Variants in OTOF observed in about 807,000 individuals in gnomAD.
OTOF encodes the protein otoferlin, also known as fer-1-like family member 2.
A neutral mutation model predicts 236.8 loss-of-function variants in OTOF; 218 were observed. The observed-to-expected ratio is 0.92, with a 90% CI of 0.82 to 1.03. OTOF has a LOEUF of 1.03. Ranked by LOEUF, OTOF falls within the 50% of genes least tolerant of loss-of-function variation. The pLI is 0.00. For synonymous variants in OTOF, 1,041 were observed against 1,072.5 expected, an observed-to-expected ratio of 0.97 and a Z score of 0.57; for missense variants, 2,590 against 2,694.4, an observed-to-expected ratio of 0.96 and a Z score of 0.86.
At chr2:26,526,299 A>G (rs1411456247) in intron 3 of OTOF, among the ~76,000 whole-genome samples, 1 of 151,648 alleles carries the variant, frequency 6.6e-6, no homozygotes, top group African/African-American at 2.4e-5. Context: ...GATAGGATGA[A>G]TGAAAGGATG....
intron 3 of OTOF, among the ~76,000 whole-genome samples, chr2:26,522,714 C>T (rs535243533): frequency 7.2e-5 from 11 of 152,212 alleles, no homozygotes; most frequent in Non-Finnish European, 8.8e-5. Context: ...AGCACTGGCC[C>T]GGGTGTCAGG....
chr2:26,541,920 C>A (rs1213245401), intron 1 of OTOF, among the ~76,000 whole-genome samples: 1 of 152,170 alleles, frequency 6.6e-6, no homozygotes, highest in East Asian at 1.9e-4. Context: ...GGCAGCTGCT[C>A]CTGGGATAGC....
Position 26,494,958 on chromosome 2 carries a change from C to A in OTOF, c.881G>T (p.Cys294Phe). The A allele has an allele frequency of 6.2e-7, 1 of 1,614,170 alleles. No individual in the cohort carries two copies. Among genetic ancestry groups the A allele is most frequent in the East Asian group, 2.2e-5 (1 of 44,880 alleles). The change falls in exon 9 of 47, where the codon TGC (cysteine) becomes TTC (phenylalanine). Residue 294 changes from cysteine to phenylalanine, a missense_variant. This residue lies in a region of OTOF where 1,379 missense variants were observed against 1,341.6 expected (regional missense o/e 1.03). Coordinates refer to ENST00000272371, the MANE Select transcript of OTOF (RefSeq NM_194248.3). Reference protein sequence around the residue: ...KYTSMKESTNCPYYNEYFVFD... With the variant: ...KYTSMKESTNFPYYNEYFVFD... Reference sequence around the variant, plus strand: ...GCCACTGACCTCGTTGTAATAGGGGCAGTTAGTGGACTCCTTCATGGATGT... The same window carrying A: ...GCCACTGACCTCGTTGTAATAGGGGAAGTTAGTGGACTCCTTCATGGATGT...
chr2:26,509,155 GC>G (rs1666320947), intron 5 of OTOF, among the ~76,000 whole-genome samples: 2 of 152,174 alleles, frequency 1.3e-5, no homozygotes, highest in African/African-American at 2.4e-5. Flanking sequence ...GGGCCTTAGA[GC>G]ATCGCTGATC....
chr2:26,502,549 T>A, intron 6 of OTOF, 123 bp from the exon 7 acceptor site: 1 of 989,446 alleles, frequency 1.0e-6, no homozygotes, highest in South Asian at 1.4e-5. Flanking sequence ...TTGCTACCGC[T>A]TAGAATATTA....
rs749183807 is a variant in OTOF, at chr2:26,474,571, T to C, written c.3230A>G (p.Gln1077Arg). The change falls in exon 26 of 47, where the codon CAG becomes CGG. Residue 1077 changes from glutamine (Q) to arginine (R), a missense_variant. Physicochemically the swap from Gln to Arg is conservative, Grantham distance 43. Coordinates refer to ENST00000272371, the MANE Select transcript of OTOF (RefSeq NM_194248.3). ...PRFPPQLEYY[Q>R]IYRGNATAGD... ...AGCTGTGGCGTTGCCACGGTAGATC[T>C]GGTAGTACTCGAGCTGAGGTGGGAA... The C allele has an allele frequency of 2.5e-6, 4 of 1,613,084 alleles. No individual in the cohort carries two copies. In the Admixed American group the frequency reaches 5.0e-5, roughly 20 times the overall value.
At position 26,542,434 on chromosome 2, in the gene OTOF, C is replaced by T. The variant is rs534699698; in HGVS notation, c.80-4660G>A. Reference sequence around the variant, plus strand: ...ATATATCAGACATGGAAAATTCTGCCGATGATACAAGGCAGAATTTTGTCA... The same window carrying T: ...ATATATCAGACATGGAAAATTCTGCTGATGATACAAGGCAGAATTTTGTCA... On this transcript the variant is annotated intron_variant, in intron 1 of 46. Transcript: ENST00000272371. Among the ~76,000 whole-genome samples the T allele has an allele frequency of 6.6e-5, 10 of 152,122 alleles. No homozygotes were observed. In the East Asian group the frequency reaches 7.7e-4, roughly 12 times the overall value.
intron 3 of OTOF, among the ~76,000 whole-genome samples, chr2:26,525,160 T>C (rs908091197): frequency 6.6e-6 from 1 of 152,208 alleles, no homozygotes; most frequent in Non-Finnish European, 1.5e-5. Context: ...CTGAATGGTG[T>C]GATGCCATGA....
chr2:26,522,885 CAA>C (rs1321776226), intron 3 of OTOF, among the ~76,000 whole-genome samples: 2 of 152,222 alleles, frequency 1.3e-5, no homozygotes, highest in African/African-American at 4.8e-5. Context: ...GTCACCATGG[CAA>C]AGAGGACACC....
At chr2:26,459,006 C>A (rs1218245158) in intron 46 of OTOF, among the ~76,000 whole-genome samples, 1 of 152,196 alleles carries the variant, frequency 6.6e-6, no homozygotes. Flanking sequence ...CAGTACCTAC[C>A]TCCTGGGTTT....
At chr2:26,548,298 G>C (rs900498419) in intron 1 of OTOF, among the ~76,000 whole-genome samples, 2 of 151,842 alleles carry the variant, frequency 1.3e-5, no homozygotes, top group African/African-American at 4.8e-5. Context: ...GTTTAATTTG[G>C]TGGGGGGTGT....
At chr2:26,523,034 C>T (rs534354534) in intron 3 of OTOF, among the ~76,000 whole-genome samples, 77 of 152,350 alleles carry the variant, frequency 5.1e-4, no homozygotes, top group Admixed American at 1.2e-3. Flanking sequence ...GGCAACTGGG[C>T]ACCAGAATCC....
chr2:26,556,267 G>T (rs1667582772), intron 1 of OTOF, among the ~76,000 whole-genome samples: 1 of 152,230 alleles, frequency 6.6e-6, no homozygotes, highest in African/African-American at 2.4e-5. Context: ...GCCCCCAGTG[G>T]TTGCATGTGC....
chr2:26,465,082 T>C lies in OTOF; in HGVS notation c.4800-53A>G, dbSNP rs530945568. On this transcript the variant is annotated intron_variant, in intron 38 of 46. Coordinates refer to ENST00000272371, the MANE Select transcript of OTOF (RefSeq NM_194248.3). Reference sequence around the variant, plus strand: ...GGGGCTGGGTGGGACTAAGCCATCCTGGATGACAGCTGGTCGTGGCCAGTT... The same window carrying C: ...GGGGCTGGGTGGGACTAAGCCATCCCGGATGACAGCTGGTCGTGGCCAGTT... The C allele has an allele frequency of 2.4e-5, 33 of 1,403,336 alleles. No homozygotes were observed. The African/African-American group carries it at 4.7e-4, about 20-fold the overall frequency. The allele number at this position is 1,403,336 out of a possible 1,614,324, so 86.9% of individuals were successfully genotyped here. A position where few individuals can be genotyped will look rare whatever the true frequency, so the allele number is the denominator to read the frequency against.
At chr2:26,526,765 G>C (rs1190680509) in intron 3 of OTOF, among the ~76,000 whole-genome samples, 1 of 152,166 alleles carries the variant, frequency 6.6e-6, no homozygotes, top group Non-Finnish European at 1.5e-5. Context: ...TCCTCCCACT[G>C]TTGAGTCATT....
chr2:26,493,151 A>G (rs1185635058), intron 9 of OTOF, among the ~76,000 whole-genome samples: 1 of 152,106 alleles, frequency 6.6e-6, no homozygotes, highest in African/African-American at 2.4e-5. Context: ...TTGGGGCTGG[A>G]GGGGTCCTGA....
chr2:26,476,683 T>C (rs1167042665), intron 22 of OTOF, among the ~76,000 whole-genome samples: 1 of 34,642 alleles, frequency 2.9e-5, no homozygotes, highest in African/African-American at 1.5e-4. Context: ...CCCCCACCCC[T>C]TCCCCCACCT....
Position 26,460,888 on chromosome 2 carries a change from G to C in OTOF, c.5676C>G (p.Leu1892=), listed in dbSNP as rs1416806278. 6.2e-7 allele frequency: 1 copy of C among 1,614,068 alleles called. No individual in the cohort carries two copies. Among genetic ancestry groups the C allele is most frequent in the Non-Finnish European group, 8.5e-7 (1 of 1,180,032 alleles). ...ACTCATCGTTCTCATTGCGGGCCAG[G>C]AGGGGCCACCAGCCTTTGACGCGCT... The part of the protein sequence containing the change: ...KQKRVKGWWP[L]LARNENDEFE... The change falls in exon 44 of 47, where the codon CTC becomes CTG. Residue 1892 remains leucine (L), a synonymous_variant. Coordinates refer to ENST00000272371, the MANE Select transcript of OTOF (RefSeq NM_194248.3). This position sits in a 1 kb window ranked among gnomAD's most constrained non-coding sequence, Gnocchi z 5.3.
At chr2:26,529,896 G>GCCCGGCCCACAGGCCTCATTCAGCGGCT (rs1666901095) in intron 2 of OTOF, among the ~76,000 whole-genome samples, 1 of 150,410 alleles carries the variant, frequency 6.6e-6, no homozygotes, top group Non-Finnish European at 1.5e-5. Flanking sequence ...AGGAAGTGGA[G>GCCCGGCCCACAGGCCTCATTCAGCGGCT]GCAGCCCGGC....
Sources: allele counts gnomAD v4.1 joint callset (sites outside exome capture counted in the v4.1 genomes callset), GRCh38; gene constraint gnomAD v4.1.1; regional missense constraint gnomAD v4.1.1; non-coding constraint Gnocchi (gnomAD v3.1); transcripts MANE v1.5; gene names NCBI Gene and HGNC (gene_info 2026-07-23, HGNC 2026-07-21).